HIRA: variants seen among roughly 807,000 people sequenced by gnomAD.
The protein encoded by HIRA is protein HIRA.
A neutral mutation model predicts 126.6 loss-of-function variants in HIRA; 13 were observed. The observed-to-expected ratio is 0.10, with a 90% CI of 0.07 to 0.16. The LOEUF (loss-of-function observed/expected upper bound fraction) is 0.16. Among genes scored for constraint, HIRA ranks in the 10% least tolerant of loss-of-function variants. The pLI, the probability that HIRA is intolerant of heterozygous loss-of-function variation, is 1.00. For missense variants in HIRA, 834 were observed against 1,314.4 expected (o/e 0.63, Z 5.65); for synonymous variants, 511 against 520.0 (o/e 0.98, Z 0.24).
rs1234761360 is a variant in HIRA at position 19,385,694 on chromosome 22, T to C, written c.1156A>G (p.Met386Val). 6.2e-7 allele frequency: 1 copy of C among 1,614,004 alleles called. No homozygotes were observed. The highest frequency in any genetic ancestry group is 8.5e-7 in the Non-Finnish European group (1 of 1,180,012). Reference protein sequence around the residue: ...QSTYGKSLAIMTEAQLSTAVI... With the variant: ...QSTYGKSLAIVTEAQLSTAVI... ...GCTGTGGAGAGCTGGGCCTCGGTCA[T>C]GATGGCTAGGCTCTTGCCATAGGTG... The change falls in exon 12 of 25, where the codon ATG becomes GTG. Residue 386 changes from methionine to valine, a missense_variant. By Grantham distance (21) the Met-to-Val change is conservative. Coordinates refer to ENST00000263208, the MANE Select transcript of HIRA (RefSeq NM_003325.4).
chr22:19,345,552 G>T (rs151192479), intron 24 of HIRA, among the ~76,000 whole-genome samples: 2 of 152,184 alleles, frequency 1.3e-5, no homozygotes, highest in African/African-American at 4.8e-5. Flanking sequence ...TGGACCAGTG[G>T]GGGAGGGGAA....
intron 15 of HIRA, among the ~76,000 whole-genome samples, chr22:19,367,494 G>A (rs1317248546): frequency 6.6e-6 from 1 of 151,888 alleles, no homozygotes; most frequent in African/African-American, 2.4e-5. Flanking sequence ...AGCCTCCCAA[G>A]TAGCTGAGAT....
At chr22:19,427,568 A>G (rs2146262372) in intron 1 of HIRA, among the ~76,000 whole-genome samples, 1 of 152,380 alleles carries the variant, frequency 6.6e-6, no homozygotes, top group East Asian at 1.9e-4. Flanking sequence ...AATACACACC[A>G]TAAGGCCATG....
intron 1 of HIRA, among the ~76,000 whole-genome samples, chr22:19,423,469 TCACACACATGCATA>T (rs1287445328): frequency 1.5e-5 from 2 of 129,514 alleles, no homozygotes; most frequent in East Asian, 4.5e-4. Context: ...ACACACTGAC[TCACACACATGCATA>T]CACACACACA....
chr22:19,421,207 G>A (rs1183599683), intron 1 of HIRA, among the ~76,000 whole-genome samples: 1 of 151,930 alleles, frequency 6.6e-6, no homozygotes, highest in Non-Finnish European at 1.5e-5. Flanking sequence ...GCTGAGGCAG[G>A]AGAATCGCTT....
intron 13 of HIRA, among the ~76,000 whole-genome samples, chr22:19,381,093 C>G (rs1359349096): frequency 1.3e-5 from 2 of 152,202 alleles, no homozygotes; most frequent in Non-Finnish European, 2.9e-5. Flanking sequence ...TTTGAAGCCT[C>G]TCAGTAGGGT....
intron 18 of HIRA, 58 bp from the exon 19 acceptor site, chr22:19,357,109 T>C (rs138779469): frequency 6.9e-5 from 109 of 1,588,880 alleles, no homozygotes; most frequent in Admixed American, 1.0e-4. Flanking sequence ...GCCAAGACAG[T>C]AGCCCTGGAA....
chr22:19,354,243 T>C (rs2088788297), intron 21 of HIRA, 125 bp from the exon 22 acceptor site: 7 of 981,138 alleles, frequency 7.1e-6, no homozygotes, highest in East Asian at 5.3e-5. Flanking sequence ...AGAAAGCCAG[T>C]AGAGGCTGAG....
At chr22:19,382,778 T>C (rs1398129842) in intron 13 of HIRA, among the ~76,000 whole-genome samples, 1 of 149,378 alleles carries the variant, frequency 6.7e-6, no homozygotes, top group Non-Finnish European at 1.5e-5. Flanking sequence ...TTTCTTTTTT[T>C]TTTTTTTTTT....
chr22:19,367,700 A>G (rs2088926840), intron 15 of HIRA, among the ~76,000 whole-genome samples: 1 of 152,148 alleles, frequency 6.6e-6, no homozygotes, highest in Non-Finnish European at 1.5e-5. Context: ...AATAATCTCT[A>G]GATCACGTAT....
At chr22:19,400,265 G>T (rs564801839) in intron 5 of HIRA, among the ~76,000 whole-genome samples, 59 of 152,246 alleles carry the variant, frequency 3.9e-4, no homozygotes, top group African/African-American at 1.4e-3. Flanking sequence ...TTTTCCTTGT[G>T]TAGTTATTTA....
Position 19,388,481 on chromosome 22 carries a change from T to C in HIRA, c.1007+3A>G. 6.2e-7 allele frequency: 1 copy of C among 1,608,146 alleles called. No homozygotes were observed. The highest frequency in any genetic ancestry group is 8.5e-7 in the Non-Finnish European group (1 of 1,174,628). On this transcript the variant is annotated splice_donor_region_variant and intron_variant, in intron 10 of 24. Transcript: ENST00000263208. Reference sequence around the variant, plus strand: ...CTATTCCTGTAAGTAGAATCCACCTTACCAGGAAATATCCATGATGGATTT... The same window carrying C: ...CTATTCCTGTAAGTAGAATCCACCTCACCAGGAAATATCCATGATGGATTT...
intron 24 of HIRA, among the ~76,000 whole-genome samples, chr22:19,335,760 G>C (rs1026387039): frequency 6.6e-6 from 1 of 151,958 alleles, no homozygotes; most frequent in African/African-American, 2.4e-5. Context: ...AAATTACTCC[G>C]GCTTCATAAT....
chr22:19,404,021 G>A (rs899771123), intron 5 of HIRA, among the ~76,000 whole-genome samples: 23 of 152,062 alleles, frequency 1.5e-4, no homozygotes, highest in African/African-American at 5.6e-4. Flanking sequence ...ATATTGTACT[G>A]TTTGATGATT....
intron 7 of HIRA, among the ~76,000 whole-genome samples, 153 bp downstream of exon 7, chr22:19,396,634 C>T (rs2089226547): frequency 1.3e-5 from 2 of 152,236 alleles, no homozygotes; most frequent in South Asian, 4.1e-4. Flanking sequence ...CAGAGTCCCA[C>T]CCCAGAGAGC....
In HIRA at chr22:19,424,892, T is replaced by C. The variant is rs575084702; in HGVS notation, c.37+6548A>G. On this transcript the variant is annotated intron_variant, in intron 1 of 24. Coordinates refer to ENST00000263208, the MANE Select transcript of HIRA (RefSeq NM_003325.4). Reference sequence around the variant, plus strand: ...ATTAATTTAGCAACTTAAAGAGACGTGTCCCTCTGTCTTCCTCTCCTGTCA... The same window carrying C: ...ATTAATTTAGCAACTTAAAGAGACGCGTCCCTCTGTCTTCCTCTCCTGTCA... 3.8e-4 allele frequency among the ~76,000 whole-genome samples: 58 copies of C among 152,342 alleles called. No individual in the cohort carries two copies. In the Middle Eastern group the frequency reaches 0.014, roughly 36 times the overall value.
intron 17 of HIRA, 55 bp downstream of exon 17, chr22:19,361,182 G>T: frequency 1.5e-6 from 2 of 1,301,756 alleles, no homozygotes; most frequent in Non-Finnish European, 2.2e-6. Flanking sequence ...TGCAGTAGGG[G>T]ACAGAGAATG....
chr22:19,389,319 C>T (rs557960816), intron 9 of HIRA, among the ~76,000 whole-genome samples: 2 of 152,266 alleles, frequency 1.3e-5, no homozygotes, highest in Admixed American at 1.3e-4. Context: ...TCTGACTCCA[C>T]GTTCCCACAA....
At chr22:19,408,154 T>G (rs963166361) in intron 3 of HIRA, among the ~76,000 whole-genome samples, 6 of 152,054 alleles carry the variant, frequency 3.9e-5, no homozygotes, top group African/African-American at 1.5e-4. Flanking sequence ...ACCTGAGATG[T>G]TTTGGCAAAT....
Sources: allele counts gnomAD v4.1 joint callset (sites outside exome capture counted in the v4.1 genomes callset), GRCh38; gene constraint gnomAD v4.1.1; transcripts MANE v1.5; gene names NCBI Gene and HGNC (gene_info 2026-07-23, HGNC 2026-07-21).